KCND2: variants seen among roughly 807,000 people sequenced by gnomAD.
KCND2 encodes the protein potassium voltage-gated channel subfamily D member 2.
In KCND2, 16 loss-of-function variants were observed where a neutral mutation model predicts 54.4. The observed-to-expected ratio is 0.29, with a 90% CI of 0.20 to 0.45. The LOEUF (loss-of-function observed/expected upper bound fraction) is 0.45. Ranked by LOEUF, KCND2 falls within the 20% of genes least tolerant of loss-of-function variation. KCND2 has a pLI of 1.00. For synonymous variants in KCND2, 317 were observed against 310.7 expected, an observed-to-expected ratio of 1.02 and a Z score of -0.21; for missense variants, 486 against 824.2, an observed-to-expected ratio of 0.59 and a Z score of 5.02.
At chr7:120,577,040 G>A (rs1350981757) in intron 1 of KCND2, among the ~76,000 whole-genome samples, 8 of 151,966 alleles carry the variant, frequency 5.3e-5, no homozygotes, top group East Asian at 1.9e-4. Flanking sequence ...CCAGCTACTC[G>A]GGAGGCTGAG....
At chr7:120,436,510 G>A (rs758708610) in intron 1 of KCND2, among the ~76,000 whole-genome samples, 3 of 152,196 alleles carry the variant, frequency 2.0e-5, no homozygotes, top group Non-Finnish European at 4.4e-5. Context: ...AAGAAACACA[G>A]TTTTCTGTAT....
At chr7:120,279,011 C>T (rs2116251545) in intron 1 of KCND2, among the ~76,000 whole-genome samples, 1 of 151,856 alleles carries the variant, frequency 6.6e-6, no homozygotes, top group South Asian at 2.1e-4. Context: ...CTAGTTACTG[C>T]CATTAACTGC....
chr7:120,577,000 T>C (rs1792443138), intron 1 of KCND2, among the ~76,000 whole-genome samples: 1 of 151,898 alleles, frequency 6.6e-6, no homozygotes. Flanking sequence ...ACAAAAAATT[T>C]GCTAGGTGTG....
At chr7:120,616,155 C>T (rs1238603160) in intron 1 of KCND2, among the ~76,000 whole-genome samples, 1 of 152,160 alleles carries the variant, frequency 6.6e-6, no homozygotes, top group Non-Finnish European at 1.5e-5. Flanking sequence ...CTGGATTTCA[C>T]AGGCTTAAAA....
chr7:120,644,052 T>C (rs917812152), intron 1 of KCND2, among the ~76,000 whole-genome samples: 1 of 152,162 alleles, frequency 6.6e-6, no homozygotes, highest in African/African-American at 2.4e-5. Flanking sequence ...GTGTATGATA[T>C]ATTTAAAGCT....
intron 1 of KCND2, among the ~76,000 whole-genome samples, chr7:120,716,069 A>G (rs931270604): frequency 2.0e-5 from 3 of 152,032 alleles, no homozygotes; most frequent in Non-Finnish European, 1.5e-5. Flanking sequence ...TAAGATTATC[A>G]TATTTCTAGG....
At chr7:120,535,379 A>C (rs2116370831) in intron 1 of KCND2, among the ~76,000 whole-genome samples, 1 of 152,290 alleles carries the variant, frequency 6.6e-6, no homozygotes, top group South Asian at 2.1e-4. Flanking sequence ...TAGGTAGACT[A>C]TCTTACAGAC....
chr7:120,273,778 G>GAGCGGCGCGTTCTGCGCGGA lies in KCND2; in HGVS notation c.-851_-832dup, dbSNP rs1403476735. The GAGCGGCGCGTTCTGCGCGGA allele has an allele frequency of 2.6e-5, 4 of 152,824 alleles. No individual in the cohort carries two copies. Among genetic ancestry groups the GAGCGGCGCGTTCTGCGCGGA allele is most frequent in the Admixed American group, 6.5e-5 (1 of 15,290 alleles). 9.5% of individuals were successfully genotyped at this position (152,824 alleles called of 1,614,324 possible). A position where few individuals can be genotyped will look rare whatever the true frequency, so the allele number is the denominator to read the frequency against. ...GCACTTGGCCAGGTATGTACCGCGG[G>GAGCGGCGCGTTCTGCGCGGA]AGCGGCGCGTTCTGCGCGGAAGCAG... On this transcript the variant is annotated 5_prime_UTR_variant, in exon 1 of 6. An upstream open reading frame in the 5' UTR loses its in-frame stop. Coordinates refer to ENST00000331113, the MANE Select transcript of KCND2 (RefSeq NM_012281.3).
At chr7:120,370,827 G>A (rs889757485) in intron 1 of KCND2, among the ~76,000 whole-genome samples, 1 of 151,948 alleles carries the variant, frequency 6.6e-6, no homozygotes, top group African/African-American at 2.4e-5. Flanking sequence ...CTCCAAACAG[G>A]GAAAGGTAAC....
At chr7:120,323,761 G>A (rs1379923629) in intron 1 of KCND2, among the ~76,000 whole-genome samples, 13 of 132,038 alleles carry the variant, frequency 9.8e-5, no homozygotes, top group East Asian at 4.2e-4. Context: ...ATAAACATAC[G>A]TGTGCATGTG....
intron 1 of KCND2, among the ~76,000 whole-genome samples, chr7:120,277,449 T>C (rs554742913): frequency 7.9e-5 from 12 of 152,148 alleles, no homozygotes; most frequent in Admixed American, 7.2e-4. Flanking sequence ...AAATTAGAAG[T>C]ACACTTGAAT....
At chr7:120,701,353 T>C (rs1792400609) in intron 1 of KCND2, among the ~76,000 whole-genome samples, 1 of 151,094 alleles carries the variant, frequency 6.6e-6, no homozygotes, top group African/African-American at 2.4e-5. Flanking sequence ...CCACCATATT[T>C]AAAGTCTTCA....
chr7:120,633,515 G>A (rs1363953299), intron 1 of KCND2, among the ~76,000 whole-genome samples: 2 of 152,078 alleles, frequency 1.3e-5, no homozygotes, highest in African/African-American at 4.8e-5. Context: ...AATACAACCC[G>A]TGCTGAACCA....
chr7:120,445,483 G>A (rs376989190), intron 1 of KCND2, among the ~76,000 whole-genome samples: 17 of 152,096 alleles, frequency 1.1e-4, no homozygotes, highest in African/African-American at 3.6e-4. Flanking sequence ...CATCTTAAGC[G>A]AGTTACATCA....
chr7:120,576,674 C>A (rs892804116), intron 1 of KCND2, among the ~76,000 whole-genome samples: 57 of 151,632 alleles, frequency 3.8e-4, no homozygotes, highest in East Asian at 1.4e-3. Context: ...AATCTGTTTT[C>A]TTCATTCTTC....
intron 1 of KCND2, among the ~76,000 whole-genome samples, chr7:120,481,432 G>A (rs1206991908): frequency 6.6e-6 from 1 of 152,166 alleles, no homozygotes; most frequent in Non-Finnish European, 1.5e-5. Context: ...GAATGAAAAG[G>A]CTGTTTAAAA....
At chr7:120,447,570 T>A (rs183497183) in intron 1 of KCND2, among the ~76,000 whole-genome samples, 31 of 152,240 alleles carry the variant, frequency 2.0e-4, no homozygotes, top group African/African-American at 6.5e-4. Flanking sequence ...CCTCTTTTCT[T>A]ATGAAAGTCC....
At chr7:120,653,435 C>T (rs577329014) in intron 1 of KCND2, among the ~76,000 whole-genome samples, 8 of 152,218 alleles carry the variant, frequency 5.3e-5, no homozygotes, top group African/African-American at 1.9e-4. Context: ...AACTCTGGGA[C>T]TTTGATAAAC....
chr7:120,632,472 C>T (rs889072196), intron 1 of KCND2, among the ~76,000 whole-genome samples: 2 of 152,084 alleles, frequency 1.3e-5, no homozygotes, highest in Admixed American at 1.3e-4. Flanking sequence ...GAAAATGGCT[C>T]TCTCTGGAGT....
Sources: allele counts gnomAD v4.1 joint callset (sites outside exome capture counted in the v4.1 genomes callset), GRCh38; gene constraint gnomAD v4.1.1; transcripts MANE v1.5; gene names NCBI Gene and HGNC (gene_info 2026-07-23, HGNC 2026-07-21).